Variants in RPGRIP1 observed in about 807,000 individuals in gnomAD.
RPGRIP1 encodes X-linked retinitis pigmentosa GTPase regulator-interacting protein 1.
A neutral mutation model predicts 157.9 loss-of-function variants in RPGRIP1; 128 were observed. That is an observed-to-expected ratio of 0.81 (90% confidence interval 0.70 to 0.94). The LOEUF is 0.94. Ranked by LOEUF, RPGRIP1 falls within the 40% of genes least tolerant of loss-of-function variation. The pLI is 0.00. For missense variants in RPGRIP1, 1,486 were observed against 1,545.8 expected, an observed-to-expected ratio of 0.96 and a Z score of 0.65; for synonymous variants, 554 against 571.6, an observed-to-expected ratio of 0.97 and a Z score of 0.44.
At chr14:21,326,875 T>G (rs1883169018) in intron 17 of RPGRIP1, among the ~76,000 whole-genome samples, 1 of 152,128 alleles carries the variant, frequency 6.6e-6, no homozygotes, top group Non-Finnish European at 1.5e-5. Context: ...TTCTTGGATT[T>G]TTTTTTTCCT....
chr14:21,316,259 G>A (rs1360186646), intron 10 of RPGRIP1, among the ~76,000 whole-genome samples: 1 of 151,884 alleles, frequency 6.6e-6, no homozygotes, highest in Non-Finnish European at 1.5e-5. Flanking sequence ...TTACAGGTGT[G>A]AGCCACCGCG....
rs191553997 is a variant in RPGRIP1, at chr14:21,340,540, A to G, written c.3340-2496A>G. Among the ~76,000 whole-genome samples the G allele has an allele frequency of 5.9e-3, 897 of 152,250 alleles. 13 individuals are homozygous for G. The highest frequency in any genetic ancestry group is 0.021 in the African/African-American group (862 of 41,524). On this transcript the variant is annotated intron_variant, in intron 21 of 24. Coordinates refer to ENST00000400017, the MANE Select transcript of RPGRIP1 (RefSeq NM_020366.4). ...CATGGTGGCACATGCCTGTAGTCCC[A>G]GCTACTCAGGAGGCTGGGGCAGGAG...
chr14:21,348,343 A>G (rs1175728528), intron 24 of RPGRIP1, 41 bp downstream of exon 24: 1 of 1,439,622 alleles, frequency 6.9e-7, no homozygotes, highest in South Asian at 1.4e-5. Context: ...TTCCAAGGAA[A>G]TCATCCTAAT....
chr14:21,326,077 A>G lies in RPGRIP1; in HGVS notation c.2614A>G (p.Ile872Val), dbSNP rs747355604. ...TTATCTGAGACGGGAGGCCTTGTCT[A>G]TACATGTTTTTGATGATGAAGACTT... ...DHYLRREALS[I>V]HVFDDEDLEP... The change falls in exon 17 of 25, where the codon ATA (isoleucine) becomes GTA (valine). Residue 872 changes from isoleucine to valine, a missense_variant. Physicochemically the swap from Ile to Val is conservative, Grantham distance 29. Transcript: ENST00000400017. The G allele has an allele frequency of 5.6e-6, 9 of 1,613,558 alleles. No individual in the cohort carries two copies. Among genetic ancestry groups the G allele is most frequent in the African/African-American group, 2.7e-5 (2 of 74,892 alleles).
chr14:21,350,700 T>G (rs1013144652), intron 24 of RPGRIP1, among the ~76,000 whole-genome samples: 9 of 152,198 alleles, frequency 5.9e-5, no homozygotes, highest in Non-Finnish European at 1.2e-4. Flanking sequence ...ATTAAGGGGC[T>G]TAGGGTAGTG....
intron 4 of RPGRIP1, among the ~76,000 whole-genome samples, chr14:21,302,221 A>G (rs552841313): frequency 2.8e-4 from 43 of 152,292 alleles, no homozygotes; most frequent in African/African-American, 1.0e-3. Flanking sequence ...TTAGAGTTAG[A>G]CACACAGTCT....
chr14:21,299,302 G>A (rs962253937), intron 3 of RPGRIP1, among the ~76,000 whole-genome samples: 14 of 151,728 alleles, frequency 9.2e-5, no homozygotes, highest in Non-Finnish European at 1.5e-4. Context: ...GCAAAGGGCC[G>A]ATTTTTTTTT....
At chr14:21,312,085 C>T (rs954761837) in intron 9 of RPGRIP1, 115 bp downstream of exon 9, 29 of 952,526 alleles carry the variant, frequency 3.0e-5, no homozygotes, top group Non-Finnish European at 4.3e-5. Context: ...AACGAAGCTC[C>T]GAGTAGTTAA....
rs935832809 is a variant in RPGRIP1 at position 21,351,277 on chromosome 14, T to C, written c.*61T>C. The stretch of plus-strand genomic sequence containing the variant: ...GGGAACCATAGTAAAAAGTCTCTTA[T>C]AAAGTTAGCTTGCTATAACATGAAT... On this transcript the variant is annotated 3_prime_UTR_variant, in exon 25 of 25. Transcript: ENST00000400017. 4.4e-5 allele frequency: 43 copies of C among 987,200 alleles called. No individual in the cohort carries two copies. Among genetic ancestry groups the C allele is most frequent in the East Asian group, 2.1e-4 (8 of 38,616 alleles). The allele number at this position is 987,200 out of a possible 1,614,324, so 61.2% of individuals were successfully genotyped here. A position where few individuals can be genotyped will look rare whatever the true frequency, so the allele number is the denominator to read the frequency against.
intron 10 of RPGRIP1, 114 bp from the exon 11 acceptor site, chr14:21,317,582 A>T (rs1881890924): frequency 1.3e-6 from 2 of 1,539,612 alleles, no homozygotes; most frequent in Admixed American, 2.0e-5. Context: ...GCAGAAAAAA[A>T]CATGTAGGGG....
chr14:21,339,141 A>G lies in RPGRIP1; in HGVS notation c.3340-3895A>G, dbSNP rs1432226370. ...ACAGAGCAAGACTCTATCTCAAAAA[A>G]TTGTTTTGTTTTGTTTTTTTAACTA... is the stretch of plus-strand genomic sequence containing the variant. On this transcript the variant is annotated intron_variant, in intron 21 of 24. Coordinates refer to ENST00000400017, the MANE Select transcript of RPGRIP1 (RefSeq NM_020366.4). Among the ~76,000 whole-genome samples the G allele has an allele frequency of 3.3e-5, 5 of 150,380 alleles. No homozygotes were observed. The South Asian group carries it at 6.4e-4, about 19-fold the overall frequency.
chr14:21,322,881 T>A (rs1314668583), intron 14 of RPGRIP1, among the ~76,000 whole-genome samples: 1 of 152,204 alleles, frequency 6.6e-6, no homozygotes, highest in Admixed American at 6.5e-5. Context: ...GTGTAGTCAC[T>A]GCTGACCAGA....
chr14:21,342,902 C>T, intron 21 of RPGRIP1, 134 bp from the exon 22 acceptor site: 1 of 558,920 alleles, frequency 1.8e-6, no homozygotes, highest in South Asian at 3.3e-5. Flanking sequence ...AAAGGATTCT[C>T]AGGGAATAAT....
At chr14:21,296,333 C>G (rs1357370134) in intron 3 of RPGRIP1, among the ~76,000 whole-genome samples, 2 of 151,920 alleles carry the variant, frequency 1.3e-5, no homozygotes, top group Non-Finnish European at 2.9e-5. Flanking sequence ...TCCCAAAGCG[C>G]TAGGATTACA....
intron 1 of RPGRIP1, among the ~76,000 whole-genome samples, chr14:21,281,704 AAATAAT>A (rs59116272): frequency 3.8e-4 from 51 of 133,970 alleles, no homozygotes; most frequent in East Asian, 3.2e-3. Flanking sequence ...AAAAAAAAAT[AAATAAT>A]AATAATAATA....
At chr14:21,327,917 C>T in intron 18 of RPGRIP1, 110 bp downstream of exon 18, 2 of 848,954 alleles carry the variant, frequency 2.4e-6, no homozygotes, top group South Asian at 5.4e-5. Context: ...GCCTGTAATC[C>T]CAGCACTTTG....
Position 21,351,160 on chromosome 14 carries a change from G to A in RPGRIP1, c.3805G>A (p.Ala1269Thr). 6.2e-7 allele frequency: 1 copy of A among 1,612,932 alleles called. No homozygotes were observed. Among genetic ancestry groups the A allele is most frequent in the Non-Finnish European group, 8.5e-7 (1 of 1,179,434 alleles). ...AGGAAGGCTGAAGGTTTCCCTTCAAGCAGCTGCTGTCCTCCATGCTATTTA... is the reference window on the plus strand; with the variant it reads ...AGGAAGGCTGAAGGTTTCCCTTCAAACAGCTGCTGTCCTCCATGCTATTTA... ...PIGRLKVSLQ[A>T]AAVLHAIYKE... Residue 1269 changes from alanine (A) to threonine (T), a missense_variant, in exon 25 of 25, where the codon GCA (alanine) becomes ACA (threonine). Transcript: ENST00000400017.
chr14:21,311,477 G>A (rs1203308353), intron 8 of RPGRIP1, among the ~76,000 whole-genome samples: 4 of 152,228 alleles, frequency 2.6e-5, no homozygotes, highest in East Asian at 1.9e-4. Context: ...GCTTGAACCC[G>A]GTAGGCAGAG....
intron 3 of RPGRIP1, among the ~76,000 whole-genome samples, chr14:21,297,163 G>A (rs987269854): frequency 6.6e-6 from 1 of 151,610 alleles, no homozygotes; most frequent in African/African-American, 2.4e-5. Context: ...GCGCAATCTC[G>A]GCTCACCGGC....
Sources: gnomAD v4.1 joint callset for allele counts (sites outside exome capture counted in the v4.1 genomes callset) on GRCh38, gnomAD v4.1.1 for gene constraint, MANE v1.5 for transcripts, NCBI Gene and HGNC (gene_info 2026-07-23, HGNC 2026-07-21) for gene names.